Variants in NEGR1 observed in about 807,000 individuals in gnomAD.
NEGR1 encodes IgLON family member 4.
In NEGR1, 10 loss-of-function variants were observed where a neutral mutation model predicts 40.9. That is an observed-to-expected ratio of 0.24 (90% CI 0.15 to 0.42). The LOEUF is 0.42. NEGR1 is among the 10% of genes least tolerant of loss of function. The pLI is 1.00. For missense variants in NEGR1, 352 were observed against 438.9 expected (o/e 0.80, Z 1.77); for synonymous variants, 185 against 166.8 (o/e 1.11, Z -0.84).
chr1:72,250,143 T>C (rs2100528769), intron 1 of NEGR1, among the ~76,000 whole-genome samples: 1 of 152,242 alleles, frequency 6.6e-6, no homozygotes, highest in African/African-American at 2.4e-5. Flanking sequence ...ATTATTGAGT[T>C]TTCCCAAAGA....
chr1:71,491,286 C>A (rs1646925977), intron 6 of NEGR1, among the ~76,000 whole-genome samples: 1 of 151,890 alleles, frequency 6.6e-6, no homozygotes, highest in South Asian at 2.1e-4. Context: ...AATACTATAC[C>A]ACTTTACATC....
At chr1:72,258,726 A>C (rs34723450) in intron 1 of NEGR1, among the ~76,000 whole-genome samples, 20,488 of 152,144 alleles carry the variant, frequency 0.13, 1,642 homozygotes, top group Non-Finnish European at 0.18. Flanking sequence ...ACTGAGAAAT[A>C]GCTTACAATT....
chr1:71,964,268 G>T (rs996984072), intron 1 of NEGR1, among the ~76,000 whole-genome samples: 1 of 152,050 alleles, frequency 6.6e-6, no homozygotes, highest in East Asian at 1.9e-4. Flanking sequence ...AATCTGGGCT[G>T]GCCTTAGTGA....
chr1:71,748,533 C>T (rs1331588602), intron 3 of NEGR1, among the ~76,000 whole-genome samples: 1 of 152,082 alleles, frequency 6.6e-6, no homozygotes, highest in African/African-American at 2.4e-5. Flanking sequence ...TTATTAATGA[C>T]CTATGATACC....
At chr1:71,437,638 T>C (rs1330883100) in intron 6 of NEGR1, among the ~76,000 whole-genome samples, 1 of 152,196 alleles carries the variant, frequency 6.6e-6, no homozygotes, top group African/African-American at 2.4e-5. Context: ...TGTTCATCTA[T>C]GTATTTATAT....
At chr1:71,571,206 G>A (rs542150663) in intron 6 of NEGR1, among the ~76,000 whole-genome samples, 4 of 152,228 alleles carry the variant, frequency 2.6e-5, no homozygotes, top group Non-Finnish European at 5.9e-5. Flanking sequence ...TTTTGGGACA[G>A]ACATATCTAA....
At position 71,407,246 on chromosome 1, in the gene NEGR1, C is replaced by T. The variant is rs1049114967; in HGVS notation, c.*200G>A. ...CGTCTTAAAAAAAGGACAATGTGTA[C>T]TGCTTCACAAGGTAATGTAGCTAAT... On this transcript the variant is annotated 3_prime_UTR_variant, in exon 7 of 7. Coordinates refer to ENST00000357731, the MANE Select transcript of NEGR1 (RefSeq NM_173808.3). 9 of 458,378 alleles carry T rather than the reference C, an allele frequency of 2.0e-5. No individual in the cohort carries two copies. The highest frequency in any genetic ancestry group is 3.6e-5 in the Non-Finnish European group (9 of 252,136). 28.4% of individuals were successfully genotyped at this position (458,378 alleles called of 1,614,324 possible).
chr1:71,435,089 T>TCAAA (rs918155481), intron 6 of NEGR1, among the ~76,000 whole-genome samples: 6 of 151,062 alleles, frequency 4.0e-5, no homozygotes, highest in African/African-American at 1.5e-4. Context: ...AGACTCCATC[T>TCAAA]CAAACAAACA....
intron 6 of NEGR1, among the ~76,000 whole-genome samples, chr1:71,472,160 A>T (rs1457249437): frequency 2.0e-5 from 3 of 152,124 alleles, no homozygotes; most frequent in African/African-American, 7.2e-5. Flanking sequence ...TTTTACTTTA[A>T]GATCTATCAT....
intron 6 of NEGR1, among the ~76,000 whole-genome samples, chr1:71,570,368 C>A (rs1451037113): frequency 3.9e-5 from 6 of 152,026 alleles, no homozygotes; most frequent in Non-Finnish European, 8.8e-5. Flanking sequence ...TTTTATATAT[C>A]TTAGAAAAAC....
At chr1:71,734,238 T>A (rs1570273371) in intron 3 of NEGR1, among the ~76,000 whole-genome samples, 1 of 152,132 alleles carries the variant, frequency 6.6e-6, no homozygotes, top group Non-Finnish European at 1.5e-5. Context: ...CGCAGAATGG[T>A]TTGTTTATAG....
chr1:71,973,519 C>T (rs1030407175), intron 1 of NEGR1, among the ~76,000 whole-genome samples: 2 of 152,046 alleles, frequency 1.3e-5, no homozygotes, highest in Non-Finnish European at 2.9e-5. Flanking sequence ...AATTTTCATC[C>T]AGAAACCATT....
At chr1:71,766,716 T>C (rs375241270) in intron 3 of NEGR1, among the ~76,000 whole-genome samples, 5 of 152,226 alleles carry the variant, frequency 3.3e-5, no homozygotes, top group African/African-American at 1.2e-4. Flanking sequence ...TCAAGTCTCA[T>C]GTGGAATTGT....
intron 1 of NEGR1, among the ~76,000 whole-genome samples, chr1:71,999,682 T>TAC (rs1553129024): frequency 0.013 from 1,195 of 91,612 alleles, 102 homozygotes; most frequent in Middle Eastern, 0.021. Flanking sequence ...TATATATACA[T>TAC]ACATATTTTT....
intron 6 of NEGR1, among the ~76,000 whole-genome samples, chr1:71,410,372 G>A (rs1025080793): frequency 5.3e-5 from 8 of 152,036 alleles, no homozygotes; most frequent in Non-Finnish European, 4.4e-5. Context: ...AATATCTACT[G>A]AATATCTATT....
Position 71,802,539 on chromosome 1 carries a change from G to A in NEGR1, c.410-26242C>T, listed in dbSNP as rs191608378. ...ATTATTTACTTCTCAGAGAGGGTGG[G>A]GCCACCTCCTAGATTTCAGTAGCCA... On this transcript the variant is annotated intron_variant, in intron 2 of 6. Coordinates refer to ENST00000357731, the MANE Select transcript of NEGR1 (RefSeq NM_173808.3). Among the ~76,000 whole-genome samples the A allele has an allele frequency of 2.4e-3, 367 of 152,254 alleles. 3 individuals carry two copies. The highest frequency in any genetic ancestry group is 7.7e-3 in the African/African-American group (318 of 41,536).
intron 1 of NEGR1, among the ~76,000 whole-genome samples, chr1:72,076,375 C>T (rs1223104513): frequency 6.6e-6 from 1 of 152,152 alleles, no homozygotes; most frequent in Non-Finnish European, 1.5e-5. Context: ...CCAAATTTGC[C>T]TACACCTTGA....
Position 72,100,542 on chromosome 1 carries a change from T to C in NEGR1, c.177-165231A>G, listed in dbSNP as rs112605912. On this transcript the variant is annotated intron_variant, in intron 1 of 6. Coordinates refer to ENST00000357731, the MANE Select transcript of NEGR1 (RefSeq NM_173808.3). ...TCTGGACTAACAGTGACCACATTAA[T>C]GTAACTGCAATTCATTCAATTGTTC... 6.4e-3 allele frequency among the ~76,000 whole-genome samples: 976 copies of C among 152,330 alleles called. 13 individuals are homozygous for C. The highest frequency in any genetic ancestry group is 0.023 in the African/African-American group (936 of 41,576).
intron 2 of NEGR1, among the ~76,000 whole-genome samples, chr1:71,787,423 G>A (rs1656951345): frequency 6.6e-6 from 1 of 152,114 alleles, no homozygotes. Flanking sequence ...TGTGAGTCAG[G>A]ACAAAGTATA....
Sources: gnomAD v4.1 joint callset for allele counts (sites outside exome capture counted in the v4.1 genomes callset) on GRCh38, gnomAD v4.1.1 for gene constraint, MANE v1.5 for transcripts, NCBI Gene and HGNC (gene_info 2026-07-23, HGNC 2026-07-21) for gene names.